The following LRRC36 variants were observed in gnomAD, a reference collection of about 807,000 sequenced individuals.
The protein encoded by LRRC36 is leucine-rich repeat-containing protein 36.
In LRRC36, 62 loss-of-function variants were observed where a neutral mutation model predicts 81.1. The ratio of observed to expected loss-of-function variants is 0.76; its 90% confidence interval spans 0.62 to 0.94. The LOEUF is 0.94. Ranked by LOEUF, LRRC36 falls within the 40% of genes least tolerant of loss-of-function variation. The pLI, the probability that LRRC36 is intolerant of heterozygous loss-of-function variation, is 0.00. For missense variants in LRRC36, 761 were observed against 881.7 expected, an observed-to-expected ratio of 0.86 and a Z score of 1.73; for synonymous variants, 334 against 348.6, an observed-to-expected ratio of 0.96 and a Z score of 0.47.
At chr16:67,378,762 GTTTATAGATGACCCA>G in intron 12 of LRRC36, 50 bp downstream of exon 12, 1 of 1,592,632 alleles carries the variant, frequency 6.3e-7, no homozygotes, top group Admixed American at 1.7e-5. Flanking sequence ...ACAACTGTTT[GTTTATAGATGACCCA>G]TTTAGTAACC....
chr16:67,340,073 T>C (rs1237640829), intron 1 of LRRC36, among the ~76,000 whole-genome samples: 1 of 151,540 alleles, frequency 6.6e-6, no homozygotes. Flanking sequence ...ACCCAGGAGA[T>C]GGAGGTTGCA....
At chr16:67,345,092 G>A (rs1403344200) in intron 2 of LRRC36, among the ~76,000 whole-genome samples, 3 of 151,728 alleles carry the variant, frequency 2.0e-5, no homozygotes, top group Non-Finnish European at 4.4e-5. Flanking sequence ...CAGGATAATT[G>A]CTTGAGCTCA....
At chr16:67,347,165 G>GT (rs2038390283) in intron 3 of LRRC36, among the ~76,000 whole-genome samples, 1 of 152,212 alleles carries the variant, frequency 6.6e-6, no homozygotes, top group African/African-American at 2.4e-5. Context: ...CCCTGGGAAA[G>GT]TAATTGTAGG....
At chr16:67,346,509 A>C in intron 3 of LRRC36, 61 bp downstream of exon 3, 1 of 1,141,250 alleles carries the variant, frequency 8.8e-7, no homozygotes, top group Non-Finnish European at 1.2e-6. Flanking sequence ...CTGCCCCTTA[A>C]CCTTTTGGAT....
At chr16:67,363,954 T>G (rs1450864078) in intron 6 of LRRC36, among the ~76,000 whole-genome samples, 2 of 152,220 alleles carry the variant, frequency 1.3e-5, no homozygotes, top group Non-Finnish European at 2.9e-5. Context: ...ACATATAACT[T>G]TAGCATATCT....
At chr16:67,341,069 ATATGTACTCTACATATTC>A (rs1323504967) in intron 1 of LRRC36, among the ~76,000 whole-genome samples, 11 of 115,644 alleles carry the variant, frequency 9.5e-5, no homozygotes, top group African/African-American at 2.9e-4. Flanking sequence ...ATTCTATAGA[ATATGTACTCTACATATTC>A]TATAGAATAT....
rs374591381 is a variant in LRRC36 at position 67,353,321 on chromosome 16, G to A, written c.577+3031G>A. ...ACTCTGAGCTGAATGTTCATGCCCT[G>A]TAGTATGATCCACAATTGACGAGCC... is the stretch of plus-strand genomic sequence containing the variant. On this transcript the variant is annotated intron_variant, in intron 5 of 13. Coordinates refer to ENST00000329956, the MANE Select transcript of LRRC36 (RefSeq NM_018296.6). Among the ~76,000 whole-genome samples the A allele has an allele frequency of 2.5e-4, 38 of 152,178 alleles. 2 individuals carry two copies. In the South Asian group the frequency reaches 7.5e-3, roughly 30 times the overall value.
chr16:67,346,361 C>G lies in LRRC36; in HGVS notation c.304C>G (p.Leu102Val). 1 of 1,612,458 alleles carries G rather than the reference C, an allele frequency of 6.2e-7. No individual in the cohort carries two copies. The highest frequency in any genetic ancestry group is 8.5e-7 in the Non-Finnish European group (1 of 1,178,582). ...RLQPLPFLKE[L>V]DLRLNPVVRK... ...ACAACCGTTACCCTTCCTCAAAGAA[C>G]TGGATTTGAGACTTAATCCTGTTGT... The change falls in exon 3 of 14, where the codon CTG (leucine) becomes GTG (valine). Residue 102 changes from leucine (L) to valine (V), a missense_variant. Leu to Val is a conservative substitution (Grantham distance 32, BLOSUM62 1). Coordinates refer to ENST00000329956, the MANE Select transcript of LRRC36 (RefSeq NM_018296.6).
At chr16:67,382,287 A>G (rs1371942541) in intron 13 of LRRC36, 40 bp downstream of exon 13, 1 of 1,399,756 alleles carries the variant, frequency 7.1e-7, no homozygotes, top group African/African-American at 1.4e-5. Context: ...AGAAGCAGAT[A>G]TTTACTCCTT....
At chr16:67,331,139 G>T (rs1473380240) in intron 1 of LRRC36, among the ~76,000 whole-genome samples, 1 of 148,350 alleles carries the variant, frequency 6.7e-6, no homozygotes, top group Non-Finnish European at 1.5e-5. Context: ...CCTTTATTAG[G>T]ATAGCTAACT....
intron 7 of LRRC36, 98 bp from the exon 8 acceptor site, chr16:67,366,919 C>G (rs370783116): frequency 2.2e-5 from 21 of 949,526 alleles, no homozygotes; most frequent in Middle Eastern, 5.1e-4. Context: ...AGAGGTGTTT[C>G]TGGCAGACAG....
chr16:67,360,435 G>A (rs889990385), intron 5 of LRRC36, among the ~76,000 whole-genome samples: 2 of 152,154 alleles, frequency 1.3e-5, no homozygotes, highest in South Asian at 2.1e-4. Flanking sequence ...GAACACCTGC[G>A]AAGTCTTGTT....
rs138429118 is a variant in LRRC36, at chr16:67,371,653, C to T, written c.1494+411C>T. 1,208 of 265,600 alleles carry T rather than the reference C, an allele frequency of 4.5e-3. 18 individuals are homozygous for T. Among genetic ancestry groups the T allele is most frequent in the African/African-American group, 0.025 (1,143 of 45,674 alleles). The allele number at this position is 265,600 out of a possible 1,614,324, so 16.5% of individuals were successfully genotyped here. A position where few individuals can be genotyped will look rare whatever the true frequency, so the allele number is the denominator to read the frequency against. ...TTGGGAGGCTGAGTGGGTGGATCAC[C>T]TCAGGTCAGGAGTTCAAGACCAGCC... is the stretch of plus-strand genomic sequence containing the variant. On this transcript the variant is annotated intron_variant, in intron 9 of 13. Coordinates refer to ENST00000329956, the MANE Select transcript of LRRC36 (RefSeq NM_018296.6).
intron 1 of LRRC36, among the ~76,000 whole-genome samples, chr16:67,330,802 T>A (rs1377632619): frequency 6.6e-6 from 1 of 151,868 alleles, no homozygotes; most frequent in Non-Finnish European, 1.5e-5. Flanking sequence ...GAAGCAGAGG[T>A]TGCAGTGAAC....
intron 5 of LRRC36, among the ~76,000 whole-genome samples, chr16:67,359,015 T>C (rs2039031708): frequency 6.6e-6 from 1 of 152,178 alleles, no homozygotes; most frequent in South Asian, 2.1e-4. Context: ...AAAAAGTTGC[T>C]ATAAAAAAAG....
Position 67,363,688 on chromosome 16 carries a change from T to C in LRRC36, c.676T>C (p.Leu226=). Residue 226 remains leucine, a synonymous_variant, in exon 6 of 14, where the codon TTA becomes CTA. Transcript: ENST00000329956. ...GGGCAATGGTACACGTGATCAGAAATTAGACACCTTCCCACTGGGGACACA... is the reference window on the plus strand; with the variant it reads ...GGGCAATGGTACACGTGATCAGAAACTAGACACCTTCCCACTGGGGACACA... ...TQGNGTRDQK[L]DTFPLGTQTQ... is the part of the protein sequence containing the mutation. The C allele has an allele frequency of 6.2e-7, 1 of 1,613,986 alleles. No homozygotes were observed. Among genetic ancestry groups the C allele is most frequent in the Non-Finnish European group, 8.5e-7 (1 of 1,179,890 alleles).
At chr16:67,342,387 A>G (rs2142643957) in intron 2 of LRRC36, among the ~76,000 whole-genome samples, 1 of 152,318 alleles carries the variant, frequency 6.6e-6, no homozygotes, top group Non-Finnish European at 1.5e-5. Context: ...GTAGAAGTAC[A>G]GATTCTCAGT....
chr16:67,336,882 T>A (rs1384769107), intron 1 of LRRC36, among the ~76,000 whole-genome samples: 2 of 152,148 alleles, frequency 1.3e-5, no homozygotes, highest in East Asian at 3.9e-4. Flanking sequence ...ATCCTCCCAC[T>A]TCAGCCTACC....
rs750964777 is a variant in LRRC36 at position 67,367,438 on chromosome 16, G to A, written c.1176G>A (p.Arg392=). The change falls in exon 8 of 14, where the codon AGG becomes AGA. Residue 392 remains arginine (R), a synonymous_variant. Transcript: ENST00000329956. The part of the protein sequence containing the change: ...SLSNPDSSTG[R]LLKLSSDLYA... ...CAAACCCTGACTCCAGCACTGGAAG[G>A]CTTTTGAAGCTTAGTTCAGGTAACA... is the stretch of plus-strand genomic sequence containing the variant. 4.3e-6 allele frequency: 7 copies of A among 1,611,568 alleles called. No individual in the cohort carries two copies. The African/African-American group carries it at 6.7e-5, about 15-fold the overall frequency.
Sources: gnomAD v4.1 joint callset for allele counts (sites outside exome capture counted in the v4.1 genomes callset) on GRCh38, gnomAD v4.1.1 for gene constraint, MANE v1.5 for transcripts, NCBI Gene and HGNC (gene_info 2026-07-23, HGNC 2026-07-21) for gene names.